HSPB8: variants seen among roughly 807,000 people sequenced by gnomAD.
HSPB8 encodes heat shock protein beta-8.
Under a neutral mutation model 16.5 loss-of-function variants are expected in HSPB8, and 9 were observed. The observed-to-expected ratio is 0.55, with a 90% CI of 0.33 to 0.95. HSPB8 has a LOEUF of 0.95. HSPB8 is among the 40% of genes least tolerant of loss of function. The pLI, the probability that HSPB8 is intolerant of heterozygous loss-of-function variation, is 0.03. For synonymous variants in HSPB8, 99 were observed against 94.8 expected, an observed-to-expected ratio of 1.04 and a Z score of -0.26; for missense variants, 238 against 251.2, an observed-to-expected ratio of 0.95 and a Z score of 0.35.
At position 119,179,648 on chromosome 12, in the gene HSPB8, G is replaced by A. The variant is rs776033863; in HGVS notation, c.336G>A (p.Val112=). ...GCTTCAAGCCAGAGGAGTTGATGGT[G>A]AAGACCAAAGATGGATACGTGGAGG... The part of the protein sequence containing the change: ...VHSFKPEELM[V]KTKDGYVEVS... The change falls in exon 1 of 3, where the codon GTG becomes GTA. Residue 112 remains valine (V), a synonymous_variant. Transcript: ENST00000281938. 6.3e-7 allele frequency: 1 copy of A among 1,589,076 alleles called. No individual in the cohort carries two copies. The highest frequency in any genetic ancestry group is 2.2e-5 in the East Asian group (1 of 44,594).
At chr12:119,185,179 C>T (rs986329169) in intron 1 of HSPB8, among the ~76,000 whole-genome samples, 3 of 150,646 alleles carry the variant, frequency 2.0e-5, no homozygotes, top group Admixed American at 2.0e-4. Flanking sequence ...ATTTAGAGAC[C>T]AGATCTCACT....
At chr12:119,185,755 T>A (rs1437086481) in intron 1 of HSPB8, among the ~76,000 whole-genome samples, 1 of 152,100 alleles carries the variant, frequency 6.6e-6, no homozygotes, top group Non-Finnish European at 1.5e-5. Flanking sequence ...ATTATAAGAG[T>A]GAGCCACTAT....
intron 1 of HSPB8, among the ~76,000 whole-genome samples, chr12:119,180,646 T>C (rs922640717): frequency 2.0e-5 from 3 of 152,162 alleles, no homozygotes; most frequent in Admixed American, 6.5e-5. Context: ...GAAATAAACA[T>C]ACTAGGGGGA....
At position 119,187,005 on chromosome 12, in the gene HSPB8, C is replaced by T; in HGVS notation, c.368-20C>T. The T allele has an allele frequency of 1.9e-6, 3 of 1,613,178 alleles. No homozygotes were observed. Among genetic ancestry groups the T allele is most frequent in the Non-Finnish European group, 8.5e-7 (1 of 1,179,260 alleles). ...CCAAGGAACATAGATGCTGACACGC[C>T]ACACTTTTCTTCCTTCCAGGCAAAC... On this transcript the variant is annotated intron_variant, in intron 1 of 2. Coordinates refer to ENST00000281938, the MANE Select transcript of HSPB8 (RefSeq NM_014365.3).
intron 1 of HSPB8, among the ~76,000 whole-genome samples, chr12:119,185,827 C>T (rs1954672639): frequency 1.3e-5 from 2 of 152,068 alleles, no homozygotes; most frequent in East Asian, 1.9e-4. Context: ...ACAAAAAAAG[C>T]TATTAACAAA....
chr12:119,189,119 G>A (rs1407535943), intron 2 of HSPB8, among the ~76,000 whole-genome samples: 2 of 152,080 alleles, frequency 1.3e-5, no homozygotes, highest in African/African-American at 2.4e-5. Context: ...TGGCATCTCC[G>A]TGCCCCACAC....
At position 119,179,483 on chromosome 12, in the gene HSPB8, C is replaced by T. The variant is rs143010542; in HGVS notation, c.171C>T (p.Ser57=). ...CCGACTGGGCTCTGCCTCGTCTCTCCTCCGCCTGGCCAGGCACCCTAAGGT... is the reference window on the plus strand; with the variant it reads ...CCGACTGGGCTCTGCCTCGTCTCTCTTCCGCCTGGCCAGGCACCCTAAGGT... ...SWPDWALPRL[S]SAWPGTLRSG... is the part of the protein sequence containing the mutation. Residue 57 remains serine (S), a synonymous_variant, in exon 1 of 3, where the codon TCC becomes TCT. Transcript: ENST00000281938. The T allele has an allele frequency of 6.6e-5, 107 of 1,614,100 alleles. No homozygotes were observed. In the African/African-American group the frequency reaches 1.3e-3, roughly 20 times the overall value.
intron 1 of HSPB8, among the ~76,000 whole-genome samples, chr12:119,184,068 C>A (rs1408684295): frequency 6.6e-6 from 1 of 152,106 alleles, no homozygotes; most frequent in Non-Finnish European, 1.5e-5. Context: ...TAGAGATGTG[C>A]CAGGAAATGT....
chr12:119,182,597 C>A (rs1017655689), intron 1 of HSPB8, among the ~76,000 whole-genome samples: 7 of 151,928 alleles, frequency 4.6e-5, no homozygotes, highest in African/African-American at 1.7e-4. Context: ...GAGACCGTGC[C>A]ACTGCATTCC....
At chr12:119,180,577 G>A (rs1405037040) in intron 1 of HSPB8, among the ~76,000 whole-genome samples, 1 of 152,142 alleles carries the variant, frequency 6.6e-6, no homozygotes, top group Non-Finnish European at 1.5e-5. Context: ...GTGGAGTAGG[G>A]ACTGGGCCTA....
rs139495002 is a variant in HSPB8, at chr12:119,186,529, C to T, written c.368-496C>T. ...TTCCATGTTGGAAACAAAGGGAGAA[C>T]GACGTCTGGGCTCAGAGTTAGGAAA... On this transcript the variant is annotated intron_variant, in intron 1 of 2. Coordinates refer to ENST00000281938, the MANE Select transcript of HSPB8 (RefSeq NM_014365.3). 1.9e-3 allele frequency among the ~76,000 whole-genome samples: 295 copies of T among 152,186 alleles called. 1 individual carries two copies. Among genetic ancestry groups the T allele is most frequent in the African/African-American group, 6.7e-3 (277 of 41,506 alleles).
At position 119,179,077 on chromosome 12, in the gene HSPB8, G is replaced by A. The variant is rs1954615996; in HGVS notation, c.-236G>A. On this transcript the variant is annotated 5_prime_UTR_variant, in exon 1 of 3. Coordinates refer to ENST00000281938, the MANE Select transcript of HSPB8 (RefSeq NM_014365.3). ...GGTCTGTCGTGAGGCAGTGCGGACG[G>A]GGACCCTCTGGGATTCTGCTGGATC... The A allele has an allele frequency of 1.7e-6, 1 of 598,754 alleles. No individual in the cohort carries two copies. Among genetic ancestry groups the A allele is most frequent in the Admixed American group, 2.6e-5 (1 of 38,086 alleles). 37.1% of individuals were successfully genotyped at this position (598,754 alleles called of 1,614,324 possible).
Position 119,179,631 on chromosome 12 carries a change from C to T in HSPB8, c.319C>T (p.Pro107Ser), listed in dbSNP as rs146000958. 42 of 1,596,528 alleles carry T rather than the reference C, an allele frequency of 2.6e-5. No homozygotes were observed. The highest frequency in any genetic ancestry group is 3.3e-5 in the Non-Finnish European group (39 of 1,171,590). ...KVCVNVHSFKPEELMVKTKDG... is the reference protein window; with the variant it reads ...KVCVNVHSFKSEELMVKTKDG... ...GTGTGTGAATGTGCACAGCTTCAAGCCAGAGGAGTTGATGGTGAAGACCAA... is the reference window on the plus strand; with the variant it reads ...GTGTGTGAATGTGCACAGCTTCAAGTCAGAGGAGTTGATGGTGAAGACCAA... The change falls in exon 1 of 3, where the codon CCA becomes TCA. Residue 107 changes from proline (P) to serine (S), a missense_variant. Transcript: ENST00000281938.
Position 119,179,795 on chromosome 12 carries a change from A to T in HSPB8, c.367+116A>T, listed in dbSNP as rs966420715. 264 of 1,355,608 alleles carry T rather than the reference A, an allele frequency of 1.9e-4. 1 individual carries two copies. The highest frequency in any genetic ancestry group is 2.5e-4 in the Non-Finnish European group (251 of 1,007,906). 84.0% of individuals were successfully genotyped at this position (1,355,608 alleles called of 1,614,324 possible). On this transcript the variant is annotated intron_variant, in intron 1 of 2. Transcript: ENST00000281938. ...ACGTTGGGACAGTGTGACACAGGTG[A>T]CCTCAGGGCTCAGGAATGCAGCCTG...
At position 119,186,974 on chromosome 12, in the gene HSPB8, G is replaced by A. The variant is rs367762238; in HGVS notation, c.368-51G>A. 3.4e-4 allele frequency: 533 copies of A among 1,571,908 alleles called. 5 individuals carry two copies. The African/African-American group carries it at 6.4e-3, about 19-fold the overall frequency. On this transcript the variant is annotated intron_variant, in intron 1 of 2. Coordinates refer to ENST00000281938, the MANE Select transcript of HSPB8 (RefSeq NM_014365.3). ...TTTGAACCCAAGCCTCAGTCCTGAAGGATGCCCAAGGAACATAGATGCTGA... is the reference window on the plus strand; with the variant it reads ...TTTGAACCCAAGCCTCAGTCCTGAAAGATGCCCAAGGAACATAGATGCTGA...
chr12:119,188,779 G>A (rs377102563), intron 2 of HSPB8, among the ~76,000 whole-genome samples: 65 of 152,326 alleles, frequency 4.3e-4, no homozygotes, highest in South Asian at 1.0e-3. Context: ...CTGTGAAAGG[G>A]ATGCTGATTC....
At position 119,193,977 on chromosome 12, in the gene HSPB8, G is replaced by T; in HGVS notation, c.*119G>T. ...AAGTAAAATGTTAGAGGGTGCGGGG[G>T]TGAGGACTGACCACAGATTCCCTGG... On this transcript the variant is annotated 3_prime_UTR_variant, in exon 3 of 3. Transcript: ENST00000281938. 2.7e-6 allele frequency: 3 copies of T among 1,104,532 alleles called. No homozygotes were observed. Among genetic ancestry groups the T allele is most frequent in the Non-Finnish European group, 2.7e-6 (2 of 727,566 alleles). The allele number at this position is 1,104,532 out of a possible 1,614,324, so 68.4% of individuals were successfully genotyped here.
intron 2 of HSPB8, among the ~76,000 whole-genome samples, chr12:119,192,862 A>G (rs985697735): frequency 6.6e-6 from 1 of 152,166 alleles, no homozygotes; most frequent in Non-Finnish European, 1.5e-5. Flanking sequence ...ATGGCAGCAG[A>G]CAAGAGAGAA....
chr12:119,188,226 ACTCTCT>A (rs149750099), intron 2 of HSPB8, among the ~76,000 whole-genome samples: 49 of 137,096 alleles, frequency 3.6e-4, no homozygotes, highest in African/African-American at 6.5e-4. Context: ...TGGCCCCTAA[ACTCTCT>A]CTCTCTCTCT....
Sources: gnomAD v4.1 joint callset for allele counts (sites outside exome capture counted in the v4.1 genomes callset) on GRCh38, gnomAD v4.1.1 for gene constraint, MANE v1.5 for transcripts, NCBI Gene and HGNC (gene_info 2026-07-23, HGNC 2026-07-21) for gene names.